The following MAP4K5 variants were observed in gnomAD, a reference collection of about 807,000 sequenced individuals.
MAP4K5 encodes the protein mitogen-activated protein kinase kinase kinase kinase 5, also known as MAPK/ERK kinase kinase kinase 5.
MAP4K5 carries 82 observed loss-of-function variants against 135.6 expected under a neutral mutation model. The ratio of observed to expected loss-of-function variants is 0.60; its 90% confidence interval spans 0.51 to 0.73. The LOEUF is 0.73. Among genes scored for constraint, MAP4K5 ranks in the 30% least tolerant of loss-of-function variants. The pLI is 0.00. For synonymous variants in MAP4K5, 347 were observed against 335.0 expected (o/e 1.04, Z -0.39); for missense variants, 907 against 1,010.9 (o/e 0.90, Z 1.39).
intron 28 of MAP4K5, among the ~76,000 whole-genome samples, chr14:50,430,452 A>G (rs34117130): frequency 0.045 from 5,671 of 124,956 alleles, no homozygotes; most frequent in African/African-American, 0.089. Context: ...TTTTCCTAAC[A>G]CAGACGCATT....
Position 50,440,309 on chromosome 14 carries a change from C to T in MAP4K5, c.1644+53G>A, listed in dbSNP as rs906347900. ...CACAGATTGATTTAAAATTAAGACA[C>T]TTCTTTATTCAATTTGTTTAAATTA... On this transcript the variant is annotated intron_variant, in intron 22 of 32. Transcript: ENST00000682126. 3.4e-6 allele frequency: 4 copies of T among 1,182,902 alleles called. No homozygotes were observed. In the African/African-American group the frequency reaches 4.6e-5, roughly 14 times the overall value. The allele number at this position is 1,182,902 out of a possible 1,614,324, so 73.3% of individuals were successfully genotyped here.
intron 2 of MAP4K5, among the ~76,000 whole-genome samples, chr14:50,519,019 A>G (rs2038092407): frequency 6.6e-6 from 1 of 152,176 alleles, no homozygotes. Context: ...TGTGAAAAAA[A>G]TCTGTTCAAG....
chr14:50,467,978 AT>A (rs1047585462), intron 10 of MAP4K5, among the ~76,000 whole-genome samples: 1 of 152,116 alleles, frequency 6.6e-6, no homozygotes, highest in African/African-American at 2.4e-5. Context: ...GCTTCATACC[AT>A]TTAAAGTGTC....
At chr14:50,526,870 C>A (rs1333458548) in intron 2 of MAP4K5, among the ~76,000 whole-genome samples, 1 of 152,028 alleles carries the variant, frequency 6.6e-6, no homozygotes, top group African/African-American at 2.4e-5. Context: ...CATAGCAGAC[C>A]TAATTCATCT....
At chr14:50,478,320 G>A (rs1426860667) in intron 6 of MAP4K5, among the ~76,000 whole-genome samples, 1 of 151,888 alleles carries the variant, frequency 6.6e-6, no homozygotes, top group Non-Finnish European at 1.5e-5. Flanking sequence ...CTGTCTAGAT[G>A]TTTATCATTT....
intron 2 of MAP4K5, among the ~76,000 whole-genome samples, chr14:50,526,996 T>C (rs992590794): frequency 6.6e-6 from 1 of 152,114 alleles, no homozygotes; most frequent in Non-Finnish European, 1.5e-5. Context: ...ATAACAAATA[T>C]GCAACTTAGA....
upstream of MAP4K5, among the ~76,000 whole-genome samples, chr14:50,534,892 G>A (rs990453928): frequency 4.6e-5 from 7 of 152,172 alleles, no homozygotes; most frequent in African/African-American, 1.2e-4. Context: ...TGTACACTGA[G>A]TAAATTTAAT....
At chr14:50,482,213 T>A (rs2037258890) in intron 6 of MAP4K5, 148 bp downstream of exon 6, 1 of 517,968 alleles carries the variant, frequency 1.9e-6, no homozygotes, top group Non-Finnish European at 3.4e-6. Context: ...TATAAGAGAT[T>A]AACAGAAAAA....
At chr14:50,473,103 A>G (rs1042031630) in intron 9 of MAP4K5, among the ~76,000 whole-genome samples, 3 of 152,136 alleles carry the variant, frequency 2.0e-5, no homozygotes, top group African/African-American at 7.2e-5. Flanking sequence ...TTTTCTTTAT[A>G]TGTCTAAAAG....
intron 16 of MAP4K5, 104 bp from the exon 17 acceptor site, chr14:50,446,225 T>A: frequency 1.5e-6 from 1 of 665,432 alleles, no homozygotes. Flanking sequence ...ACAGAGGATG[T>A]AAAAGACAGA....
chr14:50,502,184 G>C (rs1291963883), intron 3 of MAP4K5, among the ~76,000 whole-genome samples: 1 of 152,044 alleles, frequency 6.6e-6, no homozygotes, highest in East Asian at 1.9e-4. Context: ...TCATCACCAA[G>C]GTCTGATTTT....
At chr14:50,444,569 C>T (rs776499342) in intron 18 of MAP4K5, among the ~76,000 whole-genome samples, 1 of 151,864 alleles carries the variant, frequency 6.6e-6, no homozygotes, top group Non-Finnish European at 1.5e-5. Flanking sequence ...GGCAACACGG[C>T]GAAACCCCAT....
At chr14:50,549,896 C>T (rs188475923) in intron 1 of MAP4K5, among the ~76,000 whole-genome samples, 34 of 152,308 alleles carry the variant, frequency 2.2e-4, no homozygotes, top group Middle Eastern at 3.4e-3. Context: ...GGCATCATTC[C>T]GTATGAATGG....
At chr14:50,479,459 C>T (rs1566668442) in intron 6 of MAP4K5, among the ~76,000 whole-genome samples, 1 of 152,004 alleles carries the variant, frequency 6.6e-6, no homozygotes, top group East Asian at 1.9e-4. Flanking sequence ...TTTGTTAATT[C>T]CTTTGTTAAT....
At chr14:50,450,599 A>G (rs2036461682) in intron 14 of MAP4K5, 1 of 152,192 alleles carries the variant, frequency 6.6e-6, no homozygotes, top group Admixed American at 6.5e-5. Context: ...TGAACTCCAA[A>G]AATATGCAAA....
chr14:50,474,134 GGC>G, intron 9 of MAP4K5, among the ~76,000 whole-genome samples: 1 of 152,054 alleles, frequency 6.6e-6, no homozygotes, highest in Non-Finnish European at 1.5e-5. Flanking sequence ...TAAGCACAGT[GGC>G]TCAAGTCTGT....
intron 2 of MAP4K5, among the ~76,000 whole-genome samples, chr14:50,521,566 G>A (rs535897614): frequency 2.0e-4 from 31 of 152,200 alleles, no homozygotes; most frequent in Admixed American, 2.0e-3. Context: ...CTAGATTATC[G>A]TGTGAAACAA....
At chr14:50,479,899 G>A (rs2037198575) in intron 6 of MAP4K5, among the ~76,000 whole-genome samples, 1 of 152,242 alleles carries the variant, frequency 6.6e-6, no homozygotes, top group East Asian at 1.9e-4. Context: ...CTTTCCCAAC[G>A]CCATAAGCTG....
intron 6 of MAP4K5, 83 bp from the exon 7 acceptor site, chr14:50,476,389 G>A: frequency 1.6e-6 from 1 of 629,880 alleles, no homozygotes. Flanking sequence ...AATTCTTATT[G>A]AATAAGAAAA....
Sources: allele counts gnomAD v4.1 joint callset (sites outside exome capture counted in the v4.1 genomes callset), GRCh38; gene constraint gnomAD v4.1.1; transcripts MANE v1.5; gene names NCBI Gene and HGNC (gene_info 2026-07-23, HGNC 2026-07-21).